The following POLD3 variants were observed in gnomAD, a reference collection of about 807,000 sequenced individuals.
POLD3 encodes the protein DNA polymerase delta 3, accessory subunit.
A neutral mutation model predicts 58.2 loss-of-function variants in POLD3; 19 were observed. The observed-to-expected ratio is 0.33, with a 90% confidence interval of 0.23 to 0.48. The LOEUF (loss-of-function observed/expected upper bound fraction) is 0.48, where lower values mean the gene tolerates loss of function less well. Among genes scored for constraint, POLD3 ranks in the 20% least tolerant of loss-of-function variants. The pLI is 0.99. For missense variants in POLD3, 504 were observed against 545.5 expected (o/e 0.92, Z 0.76); for synonymous variants, 172 against 193.5 (o/e 0.89, Z 0.92).
chr11:74,618,498 T>TGGGTTA (rs2032149194), intron 5 of POLD3, 39 bp from the exon 6 acceptor site: 4 of 1,506,462 alleles, frequency 2.7e-6, no homozygotes, highest in Non-Finnish European at 3.6e-6. Context: ...CAAGAATGCA[T>TGGGTTA]ATGCTGACAT....
At chr11:74,629,007 AC>A in intron 8 of POLD3, 1 of 385,176 alleles carries the variant, frequency 2.6e-6, no homozygotes, top group Non-Finnish European at 4.7e-6. Context: ...GAACTCTAGA[AC>A]TTTTTTATTC....
At chr11:74,656,461 C>T (rs984856522) in intron 4 of POLD3, among the ~76,000 whole-genome samples, 1 of 152,180 alleles carries the variant, frequency 6.6e-6, no homozygotes, top group African/African-American at 2.4e-5. Context: ...GTGGCACGCA[C>T]CTGTAATCCC....
At position 74,607,005 on chromosome 11, in the gene POLD3, A is replaced by T. The variant is rs547534246; in HGVS notation, c.219+2211A>T. Among the ~76,000 whole-genome samples, 21 of 152,196 alleles carry T rather than the reference A, an allele frequency of 1.4e-4. No individual in the cohort carries two copies. In the East Asian group the frequency reaches 4.1e-3, roughly 29 times the overall value. ...TCAGAGCCCTGGACCTGCCCTCCCA[A>T]TAGCCTCACTGGGAAGCTCTGTGGA... On this transcript the variant is annotated intron_variant, in intron 3 of 11. Transcript: ENST00000263681.
intron 6 of POLD3, among the ~76,000 whole-genome samples, chr11:74,619,618 A>G (rs1428413239): frequency 2.6e-5 from 4 of 152,206 alleles, no homozygotes; most frequent in Non-Finnish European, 5.9e-5. Context: ...CCATATTGCT[A>G]CTAAATGGTG....
intron 3 of POLD3, among the ~76,000 whole-genome samples, chr11:74,605,399 T>C (rs186999355): frequency 1.3e-5 from 2 of 152,320 alleles, no homozygotes; most frequent in African/African-American, 4.8e-5. Flanking sequence ...TTCTCTTAAC[T>C]ATTTTCATGT....
rs556369839 is a variant in POLD3 at position 74,656,319 on chromosome 11, T to C, written c.370-12458T>C. ...CAAGAAATTTTTTGGCCGGGCTCAGTGGCTCATGCCTGTAATCCCGCCACT... is the reference window on the plus strand; with the variant it reads ...CAAGAAATTTTTTGGCCGGGCTCAGCGGCTCATGCCTGTAATCCCGCCACT... On this transcript the variant is annotated intron_variant, in intron 4 of 4. Coordinates refer to the POLD3 transcript ENST00000524752. Among the ~76,000 whole-genome samples, 197 of 152,334 alleles carry C rather than the reference T, an allele frequency of 1.3e-3. 1 individual carries two copies. Among genetic ancestry groups the C allele is most frequent in the Non-Finnish European group, 2.4e-3 (165 of 68,036 alleles).
At chr11:74,634,511 G>A in intron 9 of POLD3, 72 bp from the exon 10 acceptor site, 1 of 840,288 alleles carries the variant, frequency 1.2e-6, no homozygotes, top group Non-Finnish European at 2.1e-6. Context: ...TCAATTTAGA[G>A]AACCAATGGA....
chr11:74,596,714 CCTGT>C (rs1399831938), intron 2 of POLD3, among the ~76,000 whole-genome samples: 5 of 152,136 alleles, frequency 3.3e-5, no homozygotes, highest in Admixed American at 6.6e-5. Flanking sequence ...TGAACTTATT[CCTGT>C]CTAACTGTAA....
At chr11:74,640,512 T>C in intron 11 of POLD3, 52 bp from the exon 12 acceptor site, 1 of 1,452,390 alleles carries the variant, frequency 6.9e-7, no homozygotes, top group East Asian at 2.5e-5. Flanking sequence ...ATTTTCTTCA[T>C]AGAGTAAATG....
At chr11:74,638,880 TC>T (rs2032832087) in intron 11 of POLD3, among the ~76,000 whole-genome samples, 1 of 152,226 alleles carries the variant, frequency 6.6e-6, no homozygotes, top group Admixed American at 6.5e-5. Context: ...GTAAGGCCTT[TC>T]AGAATACTTA....
rs1591292241 is a variant in POLD3, at chr11:74,604,676, C to T, written c.117-16C>T. On this transcript the variant is annotated splice_polypyrimidine_tract_variant and intron_variant, in intron 2 of 11. Coordinates refer to ENST00000263681, the MANE Select transcript of POLD3 (RefSeq NM_006591.3). ...CTTACTGATGTCTTACTTGTGCCTTCTTTTCTTTGGAATAGGATGCTGTAT... is the reference window on the plus strand; with the variant it reads ...CTTACTGATGTCTTACTTGTGCCTTTTTTTCTTTGGAATAGGATGCTGTAT... 2 of 1,431,050 alleles carry T rather than the reference C, an allele frequency of 1.4e-6. No individual in the cohort carries two copies. Among genetic ancestry groups the T allele is most frequent in the South Asian group, 1.2e-5 (1 of 86,366 alleles). The allele number at this position is 1,431,050 out of a possible 1,614,324, so 88.6% of individuals were successfully genotyped here.
At chr11:74,634,133 T>C (rs186151684) in intron 9 of POLD3, among the ~76,000 whole-genome samples, 19 of 152,320 alleles carry the variant, frequency 1.2e-4, no homozygotes, top group African/African-American at 4.6e-4. Flanking sequence ...AGAATTGGAT[T>C]GACTTAGGCT....
At chr11:74,640,470 G>A in intron 11 of POLD3, 94 bp from the exon 12 acceptor site, 4 of 1,412,206 alleles carry the variant, frequency 2.8e-6, no homozygotes, top group Non-Finnish European at 3.7e-6. Context: ...CTTGATCAGA[G>A]TCTGAAATGA....
At chr11:74,666,553 G>GGAGA (rs141160521) in intron 4 of POLD3, among the ~76,000 whole-genome samples, 5 of 149,966 alleles carry the variant, frequency 3.3e-5, no homozygotes, top group South Asian at 2.1e-4. Context: ...CCCAGGAAGT[G>GGAGA]GAGAGAGAGA....
intron 7 of POLD3, among the ~76,000 whole-genome samples, chr11:74,624,431 A>ATTT (rs1195825946): frequency 6.6e-6 from 1 of 152,226 alleles, no homozygotes; most frequent in Non-Finnish European, 1.5e-5. Flanking sequence ...AATACACATT[A>ATTT]TTTATAAATT....
chr11:74,594,407 C>G (rs2135107644), intron 2 of POLD3, among the ~76,000 whole-genome samples: 1 of 152,262 alleles, frequency 6.6e-6, no homozygotes, highest in South Asian at 2.1e-4. Flanking sequence ...ATTACATGTG[C>G]TATAATTCTA....
intron 2 of POLD3, among the ~76,000 whole-genome samples, chr11:74,600,642 CAG>C (rs2031458513): frequency 6.8e-6 from 1 of 146,424 alleles, no homozygotes; most frequent in Non-Finnish European, 1.5e-5. Context: ...TCCAAAAAAA[CAG>C]AAAAGTTTGG....
At chr11:74,664,800 C>T (rs148755403) in intron 4 of POLD3, among the ~76,000 whole-genome samples, 135 of 152,262 alleles carry the variant, frequency 8.9e-4, no homozygotes, top group Non-Finnish European at 1.5e-3. Context: ...ACACAATCAT[C>T]TCAGTAGAGT....
intron 4 of POLD3, among the ~76,000 whole-genome samples, chr11:74,648,638 T>C (rs2033031149): frequency 6.6e-6 from 1 of 152,114 alleles, no homozygotes; most frequent in East Asian, 1.9e-4. Flanking sequence ...TTTAGAGAGT[T>C]GTAAGTGGTT....
Sources: gnomAD v4.1 joint callset for allele counts (sites outside exome capture counted in the v4.1 genomes callset) on GRCh38, gnomAD v4.1.1 for gene constraint, MANE v1.5 for transcripts, NCBI Gene and HGNC (gene_info 2026-07-23, HGNC 2026-07-21) for gene names.